SEC63: variants seen among roughly 807,000 people sequenced by gnomAD.
SEC63 encodes the protein SEC63 protein translocation regulator, also known as translocation protein SEC63 homolog.
In SEC63, 56 loss-of-function variants were observed where a neutral mutation model predicts 116.2. The ratio of observed to expected loss-of-function variants is 0.48; its 90% CI spans 0.39 to 0.60. The LOEUF (loss-of-function observed/expected upper bound fraction) is 0.60. Among genes scored for constraint, SEC63 ranks in the 20% least tolerant of loss-of-function variants. The pLI is 0.00. For synonymous variants in SEC63, 273 were observed against 294.6 expected, an observed-to-expected ratio of 0.93 and a Z score of 0.75; for missense variants, 668 against 900.0, an observed-to-expected ratio of 0.74 and a Z score of 3.30.
rs569736144 is a variant in SEC63 at position 107,869,747 on chromosome 6, C to T, written c.*1957G>A. On this transcript the variant is annotated 3_prime_UTR_variant, in exon 21 of 21. Coordinates refer to ENST00000369002, the MANE Select transcript of SEC63 (RefSeq NM_007214.5). ...CACACAAAGAGAAAAGGAAAACAAA[C>T]TGGTGGAATTTTCTGGTGATGGTAG... 8.9e-5 allele frequency: 13 copies of T among 145,368 alleles called. No homozygotes were observed. Among genetic ancestry groups the T allele is most frequent in the African/African-American group, 2.5e-4 (10 of 39,382 alleles). 9.0% of individuals were successfully genotyped at this position (145,368 alleles called of 1,614,324 possible).
intron 19 of SEC63, 25 bp downstream of exon 19, chr6:107,876,539 T>G: frequency 7.2e-7 from 1 of 1,381,544 alleles, no homozygotes; most frequent in South Asian, 1.2e-5. Flanking sequence ...TGTTAAACAC[T>G]GAAATCATGT....
intron 19 of SEC63, among the ~76,000 whole-genome samples, chr6:107,874,436 A>C (rs979144024): frequency 6.6e-6 from 1 of 152,038 alleles, no homozygotes; most frequent in South Asian, 2.1e-4. Context: ...CTACTAAAAA[A>C]ATATAAAAAA....
intron 4 of SEC63, 57 bp downstream of exon 4, chr6:107,921,740 C>A: frequency 2.7e-6 from 3 of 1,096,212 alleles, no homozygotes; most frequent in Non-Finnish European, 4.2e-6. Flanking sequence ...GCATGAACCA[C>A]TGCACCTGGC....
intron 3 of SEC63, among the ~76,000 whole-genome samples, chr6:107,922,235 C>G (rs1199237085): frequency 1.3e-5 from 2 of 152,070 alleles, no homozygotes; most frequent in Non-Finnish European, 2.9e-5. Flanking sequence ...AAAAATAGGC[C>G]AGGCACAGCC....
At chr6:107,922,552 A>G (rs1305426797) in intron 3 of SEC63, among the ~76,000 whole-genome samples, 1 of 152,188 alleles carries the variant, frequency 6.6e-6, no homozygotes, top group Non-Finnish European at 1.5e-5. Flanking sequence ...AATAATCACA[A>G]TAAATTAAAT....
intron 14 of SEC63, 68 bp from the exon 15 acceptor site, chr6:107,893,965 A>G (rs1583735038): frequency 6.6e-7 from 1 of 1,525,780 alleles, no homozygotes; most frequent in Non-Finnish European, 9.0e-7. Context: ...CAAACAAAGC[A>G]ATCTTTCAAA....
At chr6:107,919,407 T>A (rs1287952466) in intron 4 of SEC63, among the ~76,000 whole-genome samples, 1 of 152,228 alleles carries the variant, frequency 6.6e-6, no homozygotes, top group Non-Finnish European at 1.5e-5. Flanking sequence ...CTTCTTAAGA[T>A]GGTATCTATT....
chr6:107,877,908 C>A (rs1308116250), intron 18 of SEC63, among the ~76,000 whole-genome samples: 2 of 152,128 alleles, frequency 1.3e-5, no homozygotes, highest in African/African-American at 4.8e-5. Flanking sequence ...AAATAAATGA[C>A]AAGTACACGG....
At chr6:107,875,854 T>C (rs1562312005) in intron 19 of SEC63, among the ~76,000 whole-genome samples, 2 of 152,164 alleles carry the variant, frequency 1.3e-5, no homozygotes. Context: ...TATCTAGCAA[T>C]ATAGACCAAA....
intron 16 of SEC63, among the ~76,000 whole-genome samples, chr6:107,891,150 T>C: frequency 6.6e-6 from 1 of 152,206 alleles, no homozygotes; most frequent in Non-Finnish European, 1.5e-5. Flanking sequence ...GATAATGTCC[T>C]GAAGAGTATT....
At chr6:107,906,636 C>G in intron 9 of SEC63, 47 bp downstream of exon 9, 1 of 1,600,896 alleles carries the variant, frequency 6.2e-7, no homozygotes, top group Non-Finnish European at 8.6e-7. Context: ...AAAGTATTCA[C>G]TTTAATACTT....
At position 107,910,897 on chromosome 6, in the gene SEC63, T is replaced by C. The variant is rs548784046; in HGVS notation, c.624+449A>G. ...CAGCATGTCTGACTAATTTTGTATT[T>C]TTAGTAAAGACAGGGTTTCACCATG... is the stretch of plus-strand genomic sequence containing the variant. On this transcript the variant is annotated intron_variant, in intron 7 of 20. Transcript: ENST00000369002. 4.6e-5 allele frequency among the ~76,000 whole-genome samples: 7 copies of C among 152,126 alleles called. No homozygotes were observed. The East Asian group carries it at 1.2e-3, about 25-fold the overall frequency.
At chr6:107,908,720 A>T (rs914587373) in intron 8 of SEC63, among the ~76,000 whole-genome samples, 6 of 152,234 alleles carry the variant, frequency 3.9e-5, no homozygotes, top group African/African-American at 1.2e-4. Context: ...CTGATGAAAT[A>T]TATGAGTAAA....
intron 16 of SEC63, among the ~76,000 whole-genome samples, chr6:107,891,453 G>C (rs1786679536): frequency 6.6e-6 from 1 of 151,864 alleles, no homozygotes; most frequent in Non-Finnish European, 1.5e-5. Context: ...GGTTATTCTA[G>C]TTAGCAATTC....
At chr6:107,874,173 A>G (rs1018376031) in intron 19 of SEC63, among the ~76,000 whole-genome samples, 2 of 152,240 alleles carry the variant, frequency 1.3e-5, no homozygotes, top group African/African-American at 4.8e-5. Flanking sequence ...CATCACCAAC[A>G]TAGTTTGCTT....
intron 16 of SEC63, among the ~76,000 whole-genome samples, chr6:107,883,717 G>A (rs1786464041): frequency 6.6e-6 from 1 of 151,134 alleles, no homozygotes; most frequent in African/African-American, 2.4e-5. Context: ...TGAGGTGGGA[G>A]AATCATTTGA....
intron 1 of SEC63, chr6:107,932,261 T>C (rs936820581): frequency 6.6e-6 from 1 of 152,042 alleles, no homozygotes; most frequent in Non-Finnish European, 1.5e-5. Flanking sequence ...CTAAAATGAG[T>C]CCAGCTGGCT....
chr6:107,893,413 G>GT, intron 16 of SEC63, 69 bp downstream of exon 16: 1 of 1,479,110 alleles, frequency 6.8e-7, no homozygotes, highest in Non-Finnish European at 9.4e-7. Context: ...AGCTGTACAC[G>GT]TAAGACTTGA....
At chr6:107,920,940 G>A (rs942623442) in intron 4 of SEC63, among the ~76,000 whole-genome samples, 7 of 152,108 alleles carry the variant, frequency 4.6e-5, no homozygotes, top group Admixed American at 3.9e-4. Flanking sequence ...TAAGGCATAA[G>A]ACCAACAAGG....
Sources: gnomAD v4.1 joint callset for allele counts (sites outside exome capture counted in the v4.1 genomes callset) on GRCh38, gnomAD v4.1.1 for gene constraint, MANE v1.5 for transcripts, NCBI Gene and HGNC (gene_info 2026-07-23, HGNC 2026-07-21) for gene names.